SMAD3: variants seen among roughly 807,000 people sequenced by gnomAD.
SMAD3 encodes the protein MAD homolog 3.
Under a neutral mutation model 51.8 loss-of-function variants are expected in SMAD3, and 12 were observed. The ratio of observed to expected loss-of-function variants is 0.23; its 90% confidence interval spans 0.15 to 0.38. SMAD3 has a LOEUF of 0.38. SMAD3 is among the 10% of genes least tolerant of loss of function. The pLI, the probability that SMAD3 is intolerant of heterozygous loss-of-function variation, is 1.00. For missense variants in SMAD3, 294 were observed against 565.6 expected, an observed-to-expected ratio of 0.52 and a Z score of 4.87; for synonymous variants, 238 against 227.7, an observed-to-expected ratio of 1.05 and a Z score of -0.41.
chr15:67,094,379 C>T (rs958470153), intron 1 of SMAD3, among the ~76,000 whole-genome samples: 6 of 152,246 alleles, frequency 3.9e-5, no homozygotes, highest in Admixed American at 6.5e-5. Flanking sequence ...CCCCGTGGCT[C>T]CTCCTGAGCA....
chr15:67,084,628 C>T (rs912523762), intron 1 of SMAD3, among the ~76,000 whole-genome samples: 2 of 152,114 alleles, frequency 1.3e-5, no homozygotes, highest in African/African-American at 2.4e-5. Flanking sequence ...AGCTGCAATG[C>T]GTTGCTGATG....
chr15:67,101,123 A>G (rs1362745852), intron 1 of SMAD3, among the ~76,000 whole-genome samples: 1 of 152,196 alleles, frequency 6.6e-6, no homozygotes, highest in Non-Finnish European at 1.5e-5. Flanking sequence ...ATGTGTCTAG[A>G]ACAATTCCTG....
chr15:67,079,822 T>G (rs1226662325), intron 1 of SMAD3, among the ~76,000 whole-genome samples: 1 of 152,210 alleles, frequency 6.6e-6, no homozygotes, highest in Non-Finnish European at 1.5e-5. Flanking sequence ...TGGCCATTGT[T>G]GTCCTCATAC....
rs754776816 is a variant in SMAD3, at chr15:67,170,648, C to T, written c.658+44C>T. On this transcript the variant is annotated intron_variant, in intron 5 of 8. Transcript: ENST00000327367. ...ACACAACTGGAACCCCCTCTAGCTG[C>T]AGCCCTGGCGAGTCGCCAGTGTGGG... 8 of 1,577,334 alleles carry T rather than the reference C, an allele frequency of 5.1e-6. No individual in the cohort carries two copies. In the South Asian group the frequency reaches 5.5e-5, roughly 11 times the overall value.
chr15:67,086,861 C>G (rs1297121251), intron 1 of SMAD3, among the ~76,000 whole-genome samples: 2 of 151,382 alleles, frequency 1.3e-5, no homozygotes, highest in Admixed American at 6.6e-5. Flanking sequence ...AAGCAAGTCA[C>G]TCGGGTCCCA....
At chr15:67,069,080 AATC>A (rs1362326197) in intron 1 of SMAD3, among the ~76,000 whole-genome samples, 1 of 152,172 alleles carries the variant, frequency 6.6e-6, no homozygotes, top group East Asian at 1.9e-4. Context: ...GCTAATATAT[AATC>A]ATGAGCAGCA....
At chr15:67,120,689 AT>A (rs1961238899) in intron 1 of SMAD3, among the ~76,000 whole-genome samples, 1 of 152,176 alleles carries the variant, frequency 6.6e-6, no homozygotes, top group Admixed American at 6.5e-5. Flanking sequence ...GGCCTGGGAA[AT>A]TGGGAAGGGA....
At chr15:67,182,954 A>T (rs1567000409) in intron 6 of SMAD3, among the ~76,000 whole-genome samples, 1 of 134,342 alleles carries the variant, frequency 7.4e-6, no homozygotes, top group Admixed American at 7.8e-5. Context: ...ATAGGCATAT[A>T]CCACTGCAAC....
intron 1 of SMAD3, among the ~76,000 whole-genome samples, chr15:67,102,707 G>T (rs1467864050): frequency 6.6e-6 from 1 of 152,126 alleles, no homozygotes; most frequent in Non-Finnish European, 1.5e-5. Flanking sequence ...TGCAGGGAGT[G>T]ACGTTGAATG....
chr15:67,087,860 C>G lies in SMAD3; in HGVS notation c.206+21500C>G, dbSNP rs536251565. Among the ~76,000 whole-genome samples the G allele has an allele frequency of 2.6e-5, 4 of 152,274 alleles. No individual in the cohort carries two copies. In the South Asian group the frequency reaches 8.3e-4, roughly 32 times the overall value. ...CCAGTAAACATCTCCTCCCTTTTTA[C>G]TTTACCTTTTAATTTTGTGTTTATG... On this transcript the variant is annotated intron_variant, in intron 1 of 8. Coordinates refer to ENST00000327367, the MANE Select transcript of SMAD3 (RefSeq NM_005902.4).
chr15:67,103,150 T>C (rs10851770), intron 1 of SMAD3, among the ~76,000 whole-genome samples: 145,412 of 152,140 alleles, frequency 0.96, 69,840 homozygotes, highest in Non-Finnish European at 1. Context: ...CAACTTCCTT[T>C]GTATGGAGCT....
chr15:67,091,061 T>C (rs1960498305), intron 1 of SMAD3, among the ~76,000 whole-genome samples: 1 of 152,192 alleles, frequency 6.6e-6, no homozygotes, highest in Non-Finnish European at 1.5e-5. Flanking sequence ...TCTGTTTCTT[T>C]TGATTTTAAT....
chr15:67,122,671 C>T (rs1010677621), intron 1 of SMAD3, among the ~76,000 whole-genome samples: 2 of 152,108 alleles, frequency 1.3e-5, no homozygotes, highest in African/African-American at 4.8e-5. Context: ...GGAAAGTAAT[C>T]ACTCCATAGA....
chr15:67,183,027 ATATATTTTTTTTT>A (rs1251118470), intron 6 of SMAD3, among the ~76,000 whole-genome samples: 2 of 63,842 alleles, frequency 3.1e-5, no homozygotes, highest in African/African-American at 1.5e-4. Context: ...ATATATATAT[ATATATTTTTTTTT>A]TTTTTTTTTT....
chr15:67,134,228 G>C (rs1355045098), intron 1 of SMAD3, among the ~76,000 whole-genome samples: 1 of 152,004 alleles, frequency 6.6e-6, no homozygotes, highest in Non-Finnish European at 1.5e-5. Flanking sequence ...ACCCACCACT[G>C]CACATTGAGA....
chr15:67,187,183 G>A, intron 7 of SMAD3, 182 bp from the exon 8 acceptor site: 2 of 735,840 alleles, frequency 2.7e-6, no homozygotes, highest in African/African-American at 1.7e-5. Context: ...GAGGGACTGG[G>A]TTGGCCTTCC....
At chr15:67,078,336 A>G (rs1960214578) in intron 1 of SMAD3, among the ~76,000 whole-genome samples, 1 of 152,186 alleles carries the variant, frequency 6.6e-6, no homozygotes, top group Admixed American at 6.5e-5. Flanking sequence ...TGCCTGACAC[A>G]GTGCCTTCAT....
At chr15:67,137,958 G>A in intron 1 of SMAD3, 1 of 1,157,154 alleles carries the variant, frequency 8.6e-7, no homozygotes, top group Non-Finnish European at 1.3e-6. Flanking sequence ...GGACTTCTAG[G>A]AAGGGCTGTA....
chr15:67,172,141 A>C (rs1280733366), intron 5 of SMAD3, among the ~76,000 whole-genome samples: 1 of 152,076 alleles, frequency 6.6e-6, no homozygotes, highest in Non-Finnish European at 1.5e-5. Context: ...GACTAGGATG[A>C]GGATGATGGG....
Sources: gnomAD v4.1 joint callset for allele counts (sites outside exome capture counted in the v4.1 genomes callset) on GRCh38, gnomAD v4.1.1 for gene constraint, MANE v1.5 for transcripts, NCBI Gene and HGNC (gene_info 2026-07-23, HGNC 2026-07-21) for gene names.